Variants in CHTF18 observed in about 807,000 individuals in gnomAD.
CHTF18 encodes the protein chromosome transmission fidelity factor 18.
Under a neutral mutation model 113.4 loss-of-function variants are expected in CHTF18, and 151 were observed. That is an observed-to-expected ratio of 1.33 (90% CI 1.17 to 1.52). CHTF18 has a LOEUF of 1.52. Among genes scored for constraint, CHTF18 ranks in the 40% most tolerant of loss-of-function variants. CHTF18 has a pLI of 0.00. For missense variants in CHTF18, 1,982 were observed against 1,381.6 expected, an observed-to-expected ratio of 1.43 and a Z score of -6.89; for synonymous variants, 916 against 598.8, an observed-to-expected ratio of 1.53 and a Z score of -7.74.
At chr16:793,835 C>T (rs983969314) in intron 14 of CHTF18, 7 of 636,860 alleles carry the variant, frequency 1.1e-5, no homozygotes, top group East Asian at 2.8e-5. Flanking sequence ...GGGCAGGGCT[C>T]CTCTCAGAGT....
chr16:794,139 C>A lies in CHTF18; in HGVS notation c.1888C>A (p.Gln630Lys), dbSNP rs759504151. ...CGCGGGCTCCCTCACCTCCGCCTCA[C>A]AGCGATTCTACCGTGTCCTGCATGC... The part of the protein sequence containing the change: ...GDAGSLTSAS[Q>K]RFYRVLHAAA... Residue 630 changes from glutamine to lysine, a missense_variant, in exon 15 of 22, where the codon CAG becomes AAG. Transcript: ENST00000262315. 1.9e-6 allele frequency: 3 copies of A among 1,612,418 alleles called. No individual in the cohort carries two copies. Among genetic ancestry groups the A allele is most frequent in the South Asian group, 2.2e-5 (2 of 91,088 alleles).
chr16:791,492 T>G (rs968310302), intron 8 of CHTF18, 122 bp downstream of exon 8: 1 of 1,447,228 alleles, frequency 6.9e-7, no homozygotes, highest in Non-Finnish European at 9.1e-7. Flanking sequence ...GGTCTTGGCG[T>G]GAAGCGCCAT....
chr16:793,202 T>A lies in CHTF18; in HGVS notation c.1730T>A (p.Val577Glu). 6.2e-7 allele frequency: 1 copy of A among 1,608,562 alleles called. No individual in the cohort carries two copies. The highest frequency in any genetic ancestry group is 1.3e-5 in the African/African-American group (1 of 74,584). Reference protein sequence around the residue: ...LSVRDVQATRVGLKDQRRGLF... With the variant: ...LSVRDVQATREGLKDQRRGLF... ...GTGCGGGACGTGCAGGCCACACGCG[T>A]GGGCCTCAAGGACCAGCGCAGAGGG... The change falls in exon 14 of 22, where the codon GTG (valine) becomes GAG (glutamate). Residue 577 changes from valine to glutamate, a missense_variant. Physicochemically the swap from Val to Glu is moderately radical, Grantham distance 121. Transcript: ENST00000262315.
In CHTF18 at chr16:796,242, C is replaced by T. The variant is rs975399216; in HGVS notation, c.2456+165C>T. 2.0e-5 allele frequency among the ~76,000 whole-genome samples: 3 copies of T among 152,256 alleles called. No individual in the cohort carries two copies. The East Asian group carries it at 5.8e-4, about 29-fold the overall frequency. On this transcript the variant is annotated intron_variant, in intron 18 of 21. Coordinates refer to ENST00000262315, the MANE Select transcript of CHTF18 (RefSeq NM_022092.3). ...CAGATGTAACCGTGAAGGGGGGTCA[C>T]TTCCAGCTACTTGAGATTGGCTCTG... is the stretch of plus-strand genomic sequence containing the variant.
At chr16:797,614 G>GGCTCTC in intron 20 of CHTF18, 80 bp from the exon 21 acceptor site, 3 of 1,499,290 alleles carry the variant, frequency 2.0e-6, no homozygotes, top group Non-Finnish European at 2.8e-6. Context: ...TCCCTGGGAA[G>GGCTCTC]GCTCTCGGTC....
intron 14 of CHTF18, 135 bp downstream of exon 14, chr16:793,409 C>T: frequency 8.7e-7 from 1 of 1,145,164 alleles, no homozygotes; most frequent in Non-Finnish European, 1.2e-6. Context: ...GGTCCAGCCT[C>T]CAGGGCCCTC....
At position 790,526 on chromosome 16, in the gene CHTF18, C is replaced by T. The variant is rs758574320; in HGVS notation, c.754C>T (p.Leu252Phe). 24 of 1,601,380 alleles carry T rather than the reference C, an allele frequency of 1.5e-5. No homozygotes were observed. In the Admixed American group the frequency reaches 3.3e-4, roughly 22 times the overall value. ...AQKLSDTLHSLRSGEEEAAQP... is the reference protein window; with the variant it reads ...AQKLSDTLHSFRSGEEEAAQP... Reference sequence around the variant, plus strand: ...GGCTCAGGACGTGGTCCTCTCCAGTCTCAGGTCGGGGGAGGAGGAGGCAGC... The same window carrying T: ...GGCTCAGGACGTGGTCCTCTCCAGTTTCAGGTCGGGGGAGGAGGAGGCAGC... The change falls in exon 7 of 22, where the codon CTC becomes TTC. Residue 252 changes from leucine (L) to phenylalanine (F), a missense_variant and splice_region_variant. Transcript: ENST00000262315.
Position 788,709 on chromosome 16 carries a change from T to G in CHTF18, c.25T>G (p.Cys9Gly). The G allele has an allele frequency of 6.2e-7, 1 of 1,600,786 alleles. No homozygotes were observed. The highest frequency in any genetic ancestry group is 8.5e-7 in the Non-Finnish European group (1 of 1,175,062). Residue 9 changes from cysteine (C) to glycine (G), a missense_variant, in exon 1 of 22, where the codon TGC becomes GGC. Cys to Gly is a radical substitution (Grantham distance 159). Transcript: ENST00000262315. ...TATGGAGGACTACGAGCAGGAGCTGTGCGGCGTCGAGGATGATTTCCACAA... is the reference window on the plus strand; with the variant it reads ...TATGGAGGACTACGAGCAGGAGCTGGGCGGCGTCGAGGATGATTTCCACAA... MEDYEQEL[C>G]GVEDDFHNQF...
Position 796,700 on chromosome 16 carries a change from C to T in CHTF18, c.2457-17C>T, listed in dbSNP as rs751978049. ...TGGCCCCGCTGACCTGCCCTGGTGT[C>T]CCCCTGTGCTGAGCAGGAACGTGGA... On this transcript the variant is annotated splice_polypyrimidine_tract_variant and intron_variant, in intron 18 of 21. Transcript: ENST00000262315. The T allele has an allele frequency of 4.4e-6, 7 of 1,588,320 alleles. No homozygotes were observed. Among genetic ancestry groups the T allele is most frequent in the Middle Eastern group, 1.7e-4 (1 of 5,990 alleles).
intron 15 of CHTF18, chr16:794,838 C>T (rs1031473556): frequency 4.5e-6 from 2 of 448,262 alleles, no homozygotes; most frequent in African/African-American, 4.0e-5. Flanking sequence ...TTCCTGGAGG[C>T]CTCCTGGTGG....
At chr16:796,661 T>TCTGGCCCTGAGC in intron 18 of CHTF18, 56 bp from the exon 19 acceptor site, 2 of 1,514,724 alleles carry the variant, frequency 1.3e-6, no homozygotes, top group Non-Finnish European at 1.8e-6. Flanking sequence ...CCGGCGGCTC[T>TCTGGCCCTGAGC]CTGGCCCTGA....
chr16:797,149 C>G (rs1026755602), intron 20 of CHTF18, 57 bp downstream of exon 20: 48 of 1,454,566 alleles, frequency 3.3e-5, no homozygotes, highest in Non-Finnish European at 3.4e-5. Flanking sequence ...GGGGGTGTGG[C>G]TAGGGCAGTC....
chr16:791,506 C>T (rs547884181), intron 8 of CHTF18, 136 bp downstream of exon 8: 26 of 1,443,060 alleles, frequency 1.8e-5, no homozygotes, highest in African/African-American at 2.9e-5. Flanking sequence ...GCGCCATTAG[C>T]GTGAGTTAGA....
intron 3 of CHTF18, 43 bp from the exon 4 acceptor site, chr16:789,504 C>T (rs1161398399): frequency 3.2e-6 from 5 of 1,562,272 alleles, no homozygotes; most frequent in Admixed American, 3.5e-5. Context: ...CAAGGGTGAC[C>T]CCACGCTTGA....
At chr16:790,688 A>G (rs1272430807) in intron 7 of CHTF18, 22 bp downstream of exon 7, 1 of 1,513,606 alleles carries the variant, frequency 6.6e-7, no homozygotes, top group Non-Finnish European at 8.8e-7. Flanking sequence ...TTCTCACTCA[A>G]GTGTGGCTGG....
rs1299684359 is a variant in CHTF18, at chr16:789,890, G to A, written c.606+175G>A. 1.3e-5 allele frequency: 18 copies of A among 1,358,712 alleles called. No homozygotes were observed. The East Asian group carries it at 4.3e-4, about 32-fold the overall frequency. The allele number at this position is 1,358,712 out of a possible 1,614,324, so 84.2% of individuals were successfully genotyped here. ...ACTTAGAGGACACAGCCTCCCCACA[G>A]CAGGTTGCTGTCCAGCCTGTTTGTA... is the stretch of plus-strand genomic sequence containing the variant. On this transcript the variant is annotated intron_variant, in intron 4 of 21. Coordinates refer to ENST00000262315, the MANE Select transcript of CHTF18 (RefSeq NM_022092.3).
At chr16:797,796 T>TGG in intron 21 of CHTF18, 43 bp from the exon 22 acceptor site, 14 of 464,088 alleles carry the variant, frequency 3.0e-5, no homozygotes, top group Non-Finnish European at 4.7e-5. Context: ...CTGGGGGTTG[T>TGG]GGGGGGGCCT....
At chr16:792,892 T>C (rs1339522009) in intron 12 of CHTF18, 74 bp from the exon 13 acceptor site, 2 of 1,528,904 alleles carry the variant, frequency 1.3e-6, no homozygotes, top group Non-Finnish European at 1.8e-6. Flanking sequence ...TCCCTGCCCC[T>C]CCCCATGGAA....
rs765044797 is a variant in CHTF18, at chr16:789,584, G to C, written c.475G>C (p.Ala159Pro). 2 of 1,608,926 alleles carry C rather than the reference G, an allele frequency of 1.2e-6. No homozygotes were observed. The highest frequency in any genetic ancestry group is 2.2e-5 in the South Asian group (2 of 90,948). Residue 159 changes from alanine to proline, a missense_variant, in exon 4 of 22, where the codon GCC (alanine) becomes CCC (proline). Ala to Pro is a conservative substitution (Grantham distance 27). Coordinates refer to ENST00000262315, the MANE Select transcript of CHTF18 (RefSeq NM_022092.3). The stretch of plus-strand genomic sequence containing the variant: ...TGCTGCCGACGTGGGTCTCACACGG[G>C]CCTCACCAGCTGCCCGCAATCCCGT... Reference protein sequence around the residue: ...EAAADVGLTRASPAARNPVLR... With the variant: ...EAAADVGLTRPSPAARNPVLR...
Sources: gnomAD v4.1 joint callset for allele counts (sites outside exome capture counted in the v4.1 genomes callset) on GRCh38, gnomAD v4.1.1 for gene constraint, MANE v1.5 for transcripts, NCBI Gene and HGNC (gene_info 2026-07-23, HGNC 2026-07-21) for gene names.